Variants in SRRM3 observed in about 807,000 individuals in gnomAD.
SRRM3 encodes the protein serine/arginine repetitive matrix protein 3.
In SRRM3, 27 loss-of-function variants were observed where a neutral mutation model predicts 66.2. That is an observed-to-expected ratio of 0.41 (90% CI 0.30 to 0.56). The LOEUF (loss-of-function observed/expected upper bound fraction) is 0.56, where lower values mean the gene tolerates loss of function less well. Among genes scored for constraint, SRRM3 ranks in the 20% least tolerant of loss-of-function variants. SRRM3 has a pLI of 0.32. For synonymous variants in SRRM3, 391 were observed against 414.9 expected (o/e 0.94, Z 0.70); for missense variants, 918 against 991.9 (o/e 0.93, Z 1.00).
chr7:76,234,611 G>T (rs1452359653), intron 1 of SRRM3, among the ~76,000 whole-genome samples: 1 of 152,124 alleles, frequency 6.6e-6, no homozygotes, highest in African/African-American at 2.4e-5. Context: ...TAGTGGGCCT[G>T]GTGTGTGCGT....
At chr7:76,238,734 C>T (rs1478752975) in intron 2 of SRRM3, among the ~76,000 whole-genome samples, 1 of 152,082 alleles carries the variant, frequency 6.6e-6, no homozygotes, top group Admixed American at 6.5e-5. Context: ...GTTCTCTGCT[C>T]ACTGCAACCT....
intron 1 of SRRM3, among the ~76,000 whole-genome samples, chr7:76,225,120 C>G (rs1800825470): frequency 6.6e-6 from 1 of 152,148 alleles, no homozygotes; most frequent in South Asian, 2.1e-4. Context: ...CTCCATTTTA[C>G]AGATGAGGAA....
At chr7:76,208,290 C>G (rs2116928666) in intron 1 of SRRM3, among the ~76,000 whole-genome samples, 1 of 152,220 alleles carries the variant, frequency 6.6e-6, no homozygotes, top group Middle Eastern at 3.4e-3. Context: ...GGCCTCCAAC[C>G]TCCAACCCTT....
At chr7:76,257,621 T>A (rs1407923437) in intron 3 of SRRM3, among the ~76,000 whole-genome samples, 1 of 151,438 alleles carries the variant, frequency 6.6e-6, no homozygotes, top group Non-Finnish European at 1.5e-5. Flanking sequence ...AAGTTTTTTT[T>A]AATTAGTTGG....
chr7:76,211,066 C>T (rs1410937281), intron 1 of SRRM3, among the ~76,000 whole-genome samples: 1 of 152,182 alleles, frequency 6.6e-6, no homozygotes, highest in African/African-American at 2.4e-5. Context: ...CCCACCTCAG[C>T]CTCCCAAAGT....
intron 1 of SRRM3, among the ~76,000 whole-genome samples, chr7:76,224,403 A>G (rs2116971055): frequency 7.1e-6 from 1 of 141,130 alleles, no homozygotes; most frequent in South Asian, 2.2e-4. Flanking sequence ...TCAAAGGCAC[A>G]TGTCTAACAT....
At chr7:76,225,121 A>T (rs1026185720) in intron 1 of SRRM3, among the ~76,000 whole-genome samples, 5 of 152,194 alleles carry the variant, frequency 3.3e-5, no homozygotes, top group African/African-American at 1.2e-4. Context: ...TCCATTTTAC[A>T]GATGAGGAAA....
intron 11 of SRRM3, among the ~76,000 whole-genome samples, chr7:76,276,035 G>C (rs2117099554): frequency 6.6e-6 from 1 of 152,042 alleles, no homozygotes; most frequent in African/African-American, 2.4e-5. Context: ...AGCTATGATT[G>C]CACCATTGTA....
intron 1 of SRRM3, among the ~76,000 whole-genome samples, chr7:76,231,333 C>G (rs1240808119): frequency 2.0e-5 from 3 of 152,226 alleles, no homozygotes; most frequent in Admixed American, 2.0e-4. Context: ...CTTTCCTCCT[C>G]AATCATTTCT....
At chr7:76,246,303 C>T in intron 2 of SRRM3, among the ~76,000 whole-genome samples, 1 of 152,096 alleles carries the variant, frequency 6.6e-6, no homozygotes, top group East Asian at 1.9e-4. Context: ...TTGTCTCACG[C>T]CTGTAATCCC....
intron 14 of SRRM3, chr7:76,283,831 C>CG (rs1563644093): frequency 1.0e-6 from 1 of 985,262 alleles, no homozygotes; most frequent in Non-Finnish European, 1.2e-6. Flanking sequence ...CCTGGGTCTC[C>CG]GGGTGACATT....
At chr7:76,262,845 G>T (rs1481118185) in intron 8 of SRRM3, among the ~76,000 whole-genome samples, 1 of 150,292 alleles carries the variant, frequency 6.7e-6, no homozygotes, top group Non-Finnish European at 1.5e-5. Flanking sequence ...AGAAAGAAAA[G>T]AAAAGGAAAG....
chr7:76,251,941 T>C (rs903383753), intron 3 of SRRM3, among the ~76,000 whole-genome samples: 5 of 152,046 alleles, frequency 3.3e-5, no homozygotes, highest in Non-Finnish European at 7.4e-5. Context: ...GGCACACGCC[T>C]GCAATCCCAG....
At chr7:76,216,809 C>T (rs1338966299) in intron 1 of SRRM3, among the ~76,000 whole-genome samples, 1 of 152,154 alleles carries the variant, frequency 6.6e-6, no homozygotes, top group African/African-American at 2.4e-5. Context: ...GAGGAAAGAC[C>T]GGGAGAGACT....
intron 11 of SRRM3, among the ~76,000 whole-genome samples, chr7:76,279,991 G>GA (rs1463786682): frequency 6.6e-6 from 1 of 151,814 alleles, no homozygotes; most frequent in Non-Finnish European, 1.5e-5. Flanking sequence ...GCATTTTTGT[G>GA]AATCTAATGA....
intron 2 of SRRM3, among the ~76,000 whole-genome samples, chr7:76,242,171 CAG>C (rs556833048): frequency 2.9e-4 from 44 of 152,174 alleles, no homozygotes; most frequent in Non-Finnish European, 6.0e-4. Context: ...TTTTCAGCAC[CAG>C]ATACCAGTTT....
chr7:76,230,134 C>G (rs782521276), intron 1 of SRRM3, among the ~76,000 whole-genome samples: 9 of 152,080 alleles, frequency 5.9e-5, no homozygotes, highest in Non-Finnish European at 1.0e-4. Context: ...AGGCTGTGTC[C>G]TCAGTGAATT....
At chr7:76,270,772 C>A (rs2117086618) in intron 11 of SRRM3, among the ~76,000 whole-genome samples, 3 of 151,558 alleles carry the variant, frequency 2.0e-5, no homozygotes, top group African/African-American at 7.3e-5. Context: ...GGAGATCATA[C>A]CACTGCACTC....
At chr7:76,276,595 A>G (rs1356586578) in intron 11 of SRRM3, among the ~76,000 whole-genome samples, 4 of 152,144 alleles carry the variant, frequency 2.6e-5, no homozygotes, top group African/African-American at 9.7e-5. Context: ...TGCAAGAGGC[A>G]CCAAGGCACA....
Sources: allele counts gnomAD v4.1 joint callset (sites outside exome capture counted in the v4.1 genomes callset), GRCh38; gene constraint gnomAD v4.1.1; transcripts MANE v1.5; gene names NCBI Gene and HGNC (gene_info 2026-07-23, HGNC 2026-07-21).